The following CYTH3 variants were observed in gnomAD, a reference collection of about 807,000 sequenced individuals.
CYTH3 encodes the protein cytohesin-3.
A neutral mutation model predicts 55.1 loss-of-function variants in CYTH3; 23 were observed. That is an observed-to-expected ratio of 0.42 (90% CI 0.30 to 0.59). The LOEUF (loss-of-function observed/expected upper bound fraction) is 0.59, where lower values mean the gene tolerates loss of function less well. Among genes scored for constraint, CYTH3 ranks in the 20% least tolerant of loss-of-function variants. The pLI, the probability that CYTH3 is intolerant of heterozygous loss-of-function variation, is 0.20. For missense variants in CYTH3, 413 were observed against 524.8 expected (o/e 0.79, Z 2.08); for synonymous variants, 249 against 194.9 (o/e 1.28, Z -2.31).
Position 6,187,739 on chromosome 7 carries a change from T to C in CYTH3, c.118-18A>G. 2 of 1,612,548 alleles carry C rather than the reference T, an allele frequency of 1.2e-6. No individual in the cohort carries two copies. The highest frequency in any genetic ancestry group is 2.2e-5 in the South Asian group (2 of 91,030). On this transcript the variant is annotated intron_variant, in intron 2 of 12. Coordinates refer to ENST00000350796, the MANE Select transcript of CYTH3 (RefSeq NM_004227.4). ...TTCAGCCTCTGTCAAAAAAGAAGAA[T>C]TTCGAGGTGGGGAGTGGGTCTTAAC...
At chr7:6,207,432 A>G (rs1378254870) in intron 1 of CYTH3, among the ~76,000 whole-genome samples, 1 of 152,138 alleles carries the variant, frequency 6.6e-6, no homozygotes, top group African/African-American at 2.4e-5. Flanking sequence ...TACAGCTATA[A>G]AGAATGCCTA....
chr7:6,255,042 C>A (rs1583200407), intron 1 of CYTH3, among the ~76,000 whole-genome samples: 2 of 152,196 alleles, frequency 1.3e-5, no homozygotes, highest in South Asian at 4.1e-4. Context: ...AGGCCAGAGG[C>A]TTAACACACT....
At chr7:6,242,935 C>T (rs759411690) in intron 1 of CYTH3, among the ~76,000 whole-genome samples, 1 of 152,080 alleles carries the variant, frequency 6.6e-6, no homozygotes, top group African/African-American at 2.4e-5. Flanking sequence ...AAAAAAAGAA[C>T]CAGGTGAGGG....
intron 1 of CYTH3, among the ~76,000 whole-genome samples, chr7:6,193,602 G>A (rs1259274076): frequency 2.0e-5 from 3 of 152,190 alleles, no homozygotes; most frequent in Admixed American, 1.3e-4. Flanking sequence ...ATTTACGTGA[G>A]AGAATCCCCA....
chr7:6,224,931 A>T (rs1160879814), intron 1 of CYTH3, among the ~76,000 whole-genome samples: 1 of 152,246 alleles, frequency 6.6e-6, no homozygotes, highest in Non-Finnish European at 1.5e-5. Flanking sequence ...TGTGAAGTAA[A>T]GGAAGTCAGA....
intron 1 of CYTH3, among the ~76,000 whole-genome samples, chr7:6,214,594 G>GC (rs935499165): frequency 5.3e-5 from 8 of 152,086 alleles, no homozygotes; most frequent in Admixed American, 2.6e-4. Flanking sequence ...ACCTAAGAGG[G>GC]CCACATTCCA....
Position 6,167,586 on chromosome 7 carries a change from G to A in CYTH3, c.824-1776C>T, listed in dbSNP as rs547462757. 6.6e-6 allele frequency among the ~76,000 whole-genome samples: 1 copy of A among 152,346 alleles called. No individual in the cohort carries two copies. Among genetic ancestry groups the A allele is most frequent in the African/African-American group, 2.4e-5 (1 of 41,586 alleles). ...AAAAACGTGGCAATCATGCCCCTCC[G>A]GCTTGAAGCCCCCCAAAGGGTCCCA... On this transcript the variant is annotated intron_variant, in intron 9 of 12. Transcript: ENST00000350796. The surrounding 1 kb of genome is among the most constrained non-coding windows in gnomAD (Gnocchi z 5.5).
Position 6,253,382 on chromosome 7 carries a change from T to C in CYTH3, c.34+19092A>G, listed in dbSNP as rs542654388. ...GCACCATGCCCAGTTAATTTTTTTG[T>C]ATTTTTAGTAGAGATAGGGTTTCAC... On this transcript the variant is annotated intron_variant, in intron 1 of 12. Transcript: ENST00000350796. 1.5e-3 allele frequency among the ~76,000 whole-genome samples: 230 copies of C among 152,102 alleles called. 10 individuals are homozygous for C. In the South Asian group the frequency reaches 0.046, roughly 31 times the overall value.
chr7:6,198,180 G>A (rs896139720), intron 1 of CYTH3, among the ~76,000 whole-genome samples: 2 of 152,160 alleles, frequency 1.3e-5, no homozygotes, highest in African/African-American at 4.8e-5. Flanking sequence ...GATATTTGGG[G>A]AAAGCATTAC....
In CYTH3 at chr7:6,164,712, T is replaced by A. The variant is rs566942317; in HGVS notation, c.*232A>T. 31 of 603,616 alleles carry A rather than the reference T, an allele frequency of 5.1e-5. 1 individual carries two copies. The South Asian group carries it at 5.4e-4, about 10-fold the overall frequency. 37.4% of individuals were successfully genotyped at this position (603,616 alleles called of 1,614,324 possible). On this transcript the variant is annotated 3_prime_UTR_variant, in exon 13 of 13. Coordinates refer to ENST00000350796, the MANE Select transcript of CYTH3 (RefSeq NM_004227.4). ...CACGGCAGGAGGCCTCGAGGATCAGTCTGGGCCACGGTACGCTCTGGAGCA... is the reference window on the plus strand; with the variant it reads ...CACGGCAGGAGGCCTCGAGGATCAGACTGGGCCACGGTACGCTCTGGAGCA...
chr7:6,165,158 T>TC, intron 12 of CYTH3, 115 bp downstream of exon 12: 1 of 1,556,504 alleles, frequency 6.4e-7, no homozygotes, highest in South Asian at 1.2e-5. Flanking sequence ...CTCTGGGGTT[T>TC]CTGGAGACAG....
At chr7:6,272,424 G>A (rs776773403) in intron 1 of CYTH3, 50 bp downstream of exon 1, 2 of 904,216 alleles carry the variant, frequency 2.2e-6, no homozygotes, top group East Asian at 4.1e-5. Context: ...CCCAGCCCCC[G>A]GCCCCCGACC....
At chr7:6,179,768 ACC>A (rs1562881546) in intron 4 of CYTH3, among the ~76,000 whole-genome samples, 2 of 53,850 alleles carry the variant, frequency 3.7e-5, no homozygotes, top group East Asian at 2.9e-3. Context: ...CACCACACAC[ACC>A]CCACACACAC....
chr7:6,184,681 C>T (rs952202897), intron 4 of CYTH3, among the ~76,000 whole-genome samples: 5 of 151,896 alleles, frequency 3.3e-5, no homozygotes, highest in South Asian at 4.2e-4. Flanking sequence ...CAGGTTCAAG[C>T]GATTCTCGCG....
At chr7:6,231,722 G>C (rs972576393) in intron 1 of CYTH3, among the ~76,000 whole-genome samples, 1 of 152,140 alleles carries the variant, frequency 6.6e-6, no homozygotes, top group South Asian at 2.1e-4. Context: ...ACTTATCACA[G>C]GTAAGAGAAT....
chr7:6,212,457 T>C (rs1784340181), intron 1 of CYTH3, among the ~76,000 whole-genome samples: 2 of 152,120 alleles, frequency 1.3e-5, no homozygotes, highest in South Asian at 4.1e-4. Flanking sequence ...GCACCCACCA[T>C]TCTACTTTGT....
intron 4 of CYTH3, among the ~76,000 whole-genome samples, chr7:6,182,785 T>C (rs7811721): frequency 0.044 from 6,732 of 152,264 alleles, 279 homozygotes; most frequent in African/African-American, 0.11. Flanking sequence ...GTCAGGATTA[T>C]AGGCATGAGC....
chr7:6,194,832 G>A (rs1562890502), intron 1 of CYTH3, among the ~76,000 whole-genome samples: 2 of 151,280 alleles, frequency 1.3e-5, no homozygotes, highest in African/African-American at 4.9e-5. Context: ...AAAATTAGCT[G>A]GGTGCCGTGG....
intron 1 of CYTH3, among the ~76,000 whole-genome samples, chr7:6,215,353 T>C (rs993234016): frequency 3.3e-5 from 5 of 151,846 alleles, no homozygotes; most frequent in African/African-American, 1.2e-4. Flanking sequence ...AACTTTGGGA[T>C]GCCGAGGCGG....
Sources: allele counts gnomAD v4.1 joint callset (sites outside exome capture counted in the v4.1 genomes callset), GRCh38; gene constraint gnomAD v4.1.1; non-coding constraint Gnocchi (gnomAD v3.1); transcripts MANE v1.5; gene names NCBI Gene and HGNC (gene_info 2026-07-23, HGNC 2026-07-21).